The following FUT9 variants were observed in gnomAD, a reference collection of about 807,000 sequenced individuals.
The protein encoded by FUT9 is 4-galactosyl-N-acetylglucosaminide 3-alpha-L-fucosyltransferase 9.
FUT9 carries 15 observed loss-of-function variants against 29.7 expected under a neutral mutation model. That is an observed-to-expected ratio of 0.51 (90% confidence interval 0.34 to 0.78). The LOEUF (loss-of-function observed/expected upper bound fraction) is 0.78, where lower values mean the gene tolerates loss of function less well. FUT9 is among the 30% of genes least tolerant of loss of function. The pLI is 0.01. For synonymous variants in FUT9, 169 were observed against 153.7 expected (o/e 1.10, Z -0.74); for missense variants, 319 against 425.4 (o/e 0.75, Z 2.20).
chr6:96,184,453 A>C (rs1773368599), intron 2 of FUT9, among the ~76,000 whole-genome samples: 1 of 151,256 alleles, frequency 6.6e-6, no homozygotes, highest in South Asian at 2.1e-4. Flanking sequence ...AATTTCTTTT[A>C]GTTCTGCTCT....
intron 1 of FUT9, among the ~76,000 whole-genome samples, chr6:96,067,409 A>AT (rs5878415): frequency 0.56 from 84,279 of 151,644 alleles, 23,531 homozygotes; most frequent in South Asian, 0.64. Context: ...AAACAGAAAG[A>AT]TTTTAAACAG....
chr6:96,027,588 C>A (rs1302964553), intron 1 of FUT9, among the ~76,000 whole-genome samples: 1 of 151,538 alleles, frequency 6.6e-6, no homozygotes, highest in Non-Finnish European at 1.5e-5. Flanking sequence ...CCTCTTTTCT[C>A]AAATTTTCCA....
At chr6:96,122,561 T>C (rs1772049581) in intron 2 of FUT9, among the ~76,000 whole-genome samples, 1 of 152,220 alleles carries the variant, frequency 6.6e-6, no homozygotes. Flanking sequence ...GTTTTGATTT[T>C]GTAATCAGTG....
At chr6:96,190,370 T>C (rs991874616) in intron 2 of FUT9, among the ~76,000 whole-genome samples, 1 of 152,142 alleles carries the variant, frequency 6.6e-6, no homozygotes, top group Non-Finnish European at 1.5e-5. Context: ...TTGGTGAATC[T>C]GATAATTATG....
intron 2 of FUT9, among the ~76,000 whole-genome samples, chr6:96,186,551 T>A (rs9322720): frequency 0.91 from 138,580 of 151,950 alleles, 64,552 homozygotes; most frequent in Non-Finnish European, 1. Flanking sequence ...ATTTATCATA[T>A]ATATAGAATA....
chr6:96,141,570 C>T (rs956452048), intron 2 of FUT9, among the ~76,000 whole-genome samples: 3 of 152,152 alleles, frequency 2.0e-5, no homozygotes, highest in African/African-American at 7.2e-5. Context: ...GAAGGTGGAG[C>T]AGCATAGCAG....
chr6:96,105,464 C>A (rs1348576009), intron 1 of FUT9, among the ~76,000 whole-genome samples: 1 of 152,030 alleles, frequency 6.6e-6, no homozygotes, highest in African/African-American at 2.4e-5. Context: ...ATTCTAAATT[C>A]AATTGCCATA....
At chr6:96,078,405 C>CTGATTTTTTTTTTT (rs1201729276) in intron 1 of FUT9, among the ~76,000 whole-genome samples, 16 of 45,202 alleles carry the variant, frequency 3.5e-4, no homozygotes, top group East Asian at 2.2e-3. Flanking sequence ...TCATATTAGT[C>CTGATTTTTTTTTTT]TTCTTTTTTT....
At chr6:96,148,068 C>A (rs1772607038) in intron 2 of FUT9, among the ~76,000 whole-genome samples, 3 of 151,952 alleles carry the variant, frequency 2.0e-5, no homozygotes, top group South Asian at 2.1e-4. Context: ...AACTGGGCAG[C>A]CCATGTGCAA....
intron 1 of FUT9, among the ~76,000 whole-genome samples, chr6:96,103,542 C>T (rs1388789419): frequency 6.6e-6 from 1 of 151,914 alleles, no homozygotes; most frequent in Admixed American, 6.6e-5. Context: ...TAGTGTCAGG[C>T]TTTCTCCGAT....
intron 2 of FUT9, among the ~76,000 whole-genome samples, chr6:96,147,879 G>GAT (rs1163151688): frequency 2.0e-5 from 3 of 150,280 alleles, no homozygotes; most frequent in Non-Finnish European, 4.4e-5. Flanking sequence ...CTGGGACTAC[G>GAT]ATATAGTTAA....
intron 1 of FUT9, among the ~76,000 whole-genome samples, chr6:96,042,950 C>T (rs570212857): frequency 6.6e-6 from 1 of 152,336 alleles, no homozygotes. Context: ...CCATCAGTCT[C>T]TGGACCAATG....
intron 2 of FUT9, among the ~76,000 whole-genome samples, chr6:96,196,593 T>G (rs2127989944): frequency 6.6e-6 from 1 of 152,074 alleles, no homozygotes; most frequent in Non-Finnish European, 1.5e-5. Context: ...GTACCTGTAA[T>G]CCCAGCTACT....
chr6:96,137,652 T>C (rs1443478823), intron 2 of FUT9, among the ~76,000 whole-genome samples: 1 of 151,966 alleles, frequency 6.6e-6, no homozygotes, highest in Non-Finnish European at 1.5e-5. Flanking sequence ...GAGAATGACA[T>C]TTCACCTCTT....
At chr6:96,025,225 TACAGTGCTGCAGGTCTGAGACTGG>T (rs1455295232) in intron 1 of FUT9, among the ~76,000 whole-genome samples, 1 of 151,786 alleles carries the variant, frequency 6.6e-6, no homozygotes, top group Non-Finnish European at 1.5e-5. Context: ...TATTAGTTGT[TACAGTGCTGCAGGTCTGAGACTGG>T]ACTCGATTCC....
chr6:96,178,344 A>AT (rs1347954546), intron 2 of FUT9, among the ~76,000 whole-genome samples: 1 of 152,196 alleles, frequency 6.6e-6, no homozygotes, highest in African/African-American at 2.4e-5. Flanking sequence ...GAGACACTGT[A>AT]TTATGGAAGA....
chr6:96,118,376 G>A (rs1039935426), intron 2 of FUT9, among the ~76,000 whole-genome samples: 7 of 151,248 alleles, frequency 4.6e-5, no homozygotes, highest in African/African-American at 1.7e-4. Flanking sequence ...GGCAATGATT[G>A]ACCACATGTA....
chr6:96,031,709 A>G (rs1467175705), intron 1 of FUT9, among the ~76,000 whole-genome samples: 1 of 151,570 alleles, frequency 6.6e-6, no homozygotes, highest in East Asian at 1.9e-4. Context: ...TGATTAGTAC[A>G]TTTTGAAGAA....
chr6:96,183,516 G>T (rs565134571), intron 2 of FUT9, among the ~76,000 whole-genome samples: 1 of 152,128 alleles, frequency 6.6e-6, no homozygotes, highest in South Asian at 2.1e-4. Flanking sequence ...TCCTTGTCTT[G>T]TTCCAGTTCT....
Sources: allele counts gnomAD v4.1 joint callset (sites outside exome capture counted in the v4.1 genomes callset), GRCh38; gene constraint gnomAD v4.1.1; transcripts MANE v1.5; gene names NCBI Gene and HGNC (gene_info 2026-07-23, HGNC 2026-07-21).